The following RBM33 variants were observed in gnomAD, a reference collection of about 807,000 sequenced individuals.
RBM33 encodes RNA binding motif protein 33.
A neutral mutation model predicts 132.6 loss-of-function variants in RBM33; 28 were observed. That is an observed-to-expected ratio of 0.21 (90% CI 0.16 to 0.29). The LOEUF (loss-of-function observed/expected upper bound fraction) is 0.29, where lower values mean the gene tolerates loss of function less well. RBM33 is among the 10% of genes least tolerant of loss of function. The probability of loss-of-function intolerance (pLI) is 1.00; values close to 1 mark genes in which losing one functional copy is unlikely to be tolerated. For synonymous variants in RBM33, 634 were observed against 593.0 expected (o/e 1.07, Z -1.01); for missense variants, 1,291 against 1,518.5 (o/e 0.85, Z 2.49).
chr7:155,648,574 G>T (rs1391054105), intron 1 of RBM33, among the ~76,000 whole-genome samples: 1 of 152,022 alleles, frequency 6.6e-6, no homozygotes, highest in Non-Finnish European at 1.5e-5. Flanking sequence ...CACTAATAGT[G>T]CTGATAAATG....
At chr7:155,716,314 C>CTTTTTTTTTTTTTTTTTTTTT (rs1563157893) in intron 8 of RBM33, among the ~76,000 whole-genome samples, 1 of 43,576 alleles carries the variant, frequency 2.3e-5, no homozygotes, top group Non-Finnish European at 4.3e-5. Flanking sequence ...TCCTTTTCTG[C>CTTTTTTTTTTTTTTTTTTTTT]TGTTTTTTTT....
intron 1 of RBM33, among the ~76,000 whole-genome samples, chr7:155,662,676 C>T (rs998114654): frequency 1.3e-5 from 2 of 152,078 alleles, no homozygotes; most frequent in African/African-American, 4.8e-5. Context: ...GTGTGGGACC[C>T]CCAGCCCTTG....
chr7:155,672,839 T>C (rs1798981983), intron 2 of RBM33, 28 bp from the exon 3 acceptor site: 1 of 1,526,600 alleles, frequency 6.6e-7, no homozygotes. Flanking sequence ...GGAATAATCA[T>C]TGACATGTCT....
intron 5 of RBM33, among the ~76,000 whole-genome samples, chr7:155,697,568 C>CTA (rs1257997938): frequency 4.6e-5 from 7 of 151,734 alleles, no homozygotes; most frequent in South Asian, 2.1e-4. Context: ...CTCTCTCTCT[C>CTA]TATATATATA....
intron 8 of RBM33, among the ~76,000 whole-genome samples, chr7:155,712,633 TG>T (rs1206623863): frequency 1.3e-5 from 2 of 152,142 alleles, no homozygotes; most frequent in Non-Finnish European, 2.9e-5. Context: ...AAGTTAGCAA[TG>T]TGGCTGTTCA....
intron 1 of RBM33, among the ~76,000 whole-genome samples, chr7:155,661,233 G>A (rs1226304769): frequency 1.4e-5 from 2 of 147,992 alleles, no homozygotes; most frequent in African/African-American, 2.5e-5. Flanking sequence ...CTGCCTCCCT[G>A]GTTCAAGCCA....
intron 12 of RBM33, 25 bp from the exon 13 acceptor site, chr7:155,741,794 A>C (rs769383461): frequency 6.3e-7 from 1 of 1,587,660 alleles, no homozygotes; most frequent in Non-Finnish European, 8.6e-7. Context: ...ACTTACAATT[A>C]GAATCTCTTT....
At position 155,673,760 on chromosome 7, in the gene RBM33, GCATGCGCGCA is replaced by G. The variant is rs1271782595; in HGVS notation, c.171+848_171+857del. ...TACATACACACGTGTATATACGCGC[GCATGCGCGCA>G]CACACACACACACACACACACACAC... On this transcript the variant is annotated intron_variant, in intron 3 of 17. Transcript: ENST00000401878. Among the ~76,000 whole-genome samples, 83 of 30,898 alleles carry G rather than the reference GCATGCGCGCA, an allele frequency of 2.7e-3. 2 individuals carry two copies. Among genetic ancestry groups the G allele is most frequent in the African/African-American group, 7.6e-3 (79 of 10,378 alleles). The allele number at this position is 30,898 out of a possible 152,430, so 20.3% of individuals were successfully genotyped here. A position where few individuals can be genotyped will look rare whatever the true frequency, so the allele number is the denominator to read the frequency against.
intron 9 of RBM33, among the ~76,000 whole-genome samples, chr7:155,718,793 G>A (rs1012776980): frequency 1.4e-4 from 22 of 152,156 alleles, no homozygotes; most frequent in Non-Finnish European, 2.1e-4. Flanking sequence ...GCACAGGCAC[G>A]TGTGTTTGTG....
At chr7:155,650,177 C>T (rs1303535177) in intron 1 of RBM33, among the ~76,000 whole-genome samples, 3 of 152,172 alleles carry the variant, frequency 2.0e-5, no homozygotes, top group South Asian at 2.1e-4. Context: ...CCTGGGATGC[C>T]GCTCTAGCTC....
intron 9 of RBM33, among the ~76,000 whole-genome samples, chr7:155,722,555 A>G (rs1273452222): frequency 6.6e-6 from 1 of 152,230 alleles, no homozygotes; most frequent in Non-Finnish European, 1.5e-5. Flanking sequence ...TGTCACTAAT[A>G]TAAAGCTGTA....
intron 6 of RBM33, 27 bp from the exon 7 acceptor site, chr7:155,706,833 C>T (rs1800128970): frequency 6.4e-7 from 1 of 1,562,816 alleles, no homozygotes. Flanking sequence ...CGGAAAGTAA[C>T]TAACACATAC....
At position 155,781,122 on chromosome 7, in the gene RBM33, G is replaced by A. The variant is rs1023456874; in HGVS notation, c.*6081G>A. On this transcript the variant is annotated 3_prime_UTR_variant, in exon 18 of 18. Transcript: ENST00000401878. The stretch of plus-strand genomic sequence containing the variant: ...CGGCCCTGATGCGTGTACACTCTGC[G>A]GGCTGCACCGGGTGGCTCTGGTTGG... 34 of 152,828 alleles carry A rather than the reference G, an allele frequency of 2.2e-4. No individual in the cohort carries two copies. Among genetic ancestry groups the A allele is most frequent in the Non-Finnish European group, 2.2e-4 (15 of 68,186 alleles). The allele number at this position is 152,828 out of a possible 1,614,324, so 9.5% of individuals were successfully genotyped here.
At chr7:155,767,750 C>T (rs1267288136) in intron 16 of RBM33, among the ~76,000 whole-genome samples, 1 of 152,138 alleles carries the variant, frequency 6.6e-6, no homozygotes, top group Middle Eastern at 3.2e-3. Context: ...GAGCGGGCTC[C>T]CTAGTGGTGC....
At chr7:155,759,415 C>CTT (rs58449648) in intron 14 of RBM33, among the ~76,000 whole-genome samples, 2,640 of 113,986 alleles carry the variant, frequency 0.023, 175 homozygotes, top group African/African-American at 0.087. Flanking sequence ...TGTTTATGTT[C>CTT]TTTTTTTTTT....
intron 6 of RBM33, among the ~76,000 whole-genome samples, chr7:155,705,413 A>C (rs1563152490): frequency 1.3e-5 from 2 of 152,220 alleles, no homozygotes; most frequent in Non-Finnish European, 2.9e-5. Flanking sequence ...GATTAGAATA[A>C]AAGTCTATGC....
At chr7:155,734,017 G>A (rs1049696270) in intron 9 of RBM33, among the ~76,000 whole-genome samples, 2 of 152,168 alleles carry the variant, frequency 1.3e-5, no homozygotes, top group African/African-American at 4.8e-5. Context: ...GCTGTTCCTC[G>A]GGGCTCCTTC....
Position 155,766,583 on chromosome 7 carries a change from T to C in RBM33, c.3303T>C (p.Ser1101=). The C allele has an allele frequency of 6.2e-7, 1 of 1,613,166 alleles. No homozygotes were observed. Among genetic ancestry groups the C allele is most frequent in the Non-Finnish European group, 8.5e-7 (1 of 1,179,604 alleles). The change falls in exon 16 of 18, where the codon TCT becomes TCC. Residue 1101 remains serine, a synonymous_variant. Coordinates refer to ENST00000401878, the MANE Select transcript of RBM33 (RefSeq NM_053043.3). The part of the protein sequence containing the change: ...VECKPQPCVV[S]VEGLSSSTTD... ...GCAAGCCCCAGCCCTGCGTGGTGTC[T>C]GTGGAGGGGCTGTCCTCGTCCACCA...
At chr7:155,734,857 T>TGCA (rs1801062723) in intron 9 of RBM33, among the ~76,000 whole-genome samples, 2 of 152,046 alleles carry the variant, frequency 1.3e-5, no homozygotes, top group African/African-American at 2.4e-5. Context: ...GGCAGGCAGT[T>TGCA]GTTTCTTTTA....
Sources: allele counts gnomAD v4.1 joint callset (sites outside exome capture counted in the v4.1 genomes callset), GRCh38; gene constraint gnomAD v4.1.1; transcripts MANE v1.5; gene names NCBI Gene and HGNC (gene_info 2026-07-23, HGNC 2026-07-21).